Variants in ARFGEF3 observed in about 807,000 individuals in gnomAD.
ARFGEF3 encodes the protein brefeldin A-inhibited guanine nucleotide-exchange protein 3.
In ARFGEF3, 96 loss-of-function variants were observed where a neutral mutation model predicts 221.7. The observed-to-expected ratio is 0.43, with a 90% CI of 0.37 to 0.51. The LOEUF (loss-of-function observed/expected upper bound fraction) is 0.51. Ranked by LOEUF, ARFGEF3 falls within the 20% of genes least tolerant of loss-of-function variation. The pLI, the probability that ARFGEF3 is intolerant of heterozygous loss-of-function variation, is 0.00. For synonymous variants in ARFGEF3, 1,145 were observed against 1,126.8 expected, an observed-to-expected ratio of 1.02 and a Z score of -0.32; for missense variants, 2,410 against 2,789.9, an observed-to-expected ratio of 0.86 and a Z score of 3.07.
chr6:138,214,053 T>C (rs1419958450), intron 4 of ARFGEF3, among the ~76,000 whole-genome samples: 1 of 152,238 alleles, frequency 6.6e-6, no homozygotes, highest in East Asian at 1.9e-4. Flanking sequence ...CTCTTCTCTC[T>C]GAATGAGGAA....
At position 138,329,492 on chromosome 6, in the gene ARFGEF3, C is replaced by T. The variant is rs546878839; in HGVS notation, c.5123+1350C>T. On this transcript the variant is annotated intron_variant, in intron 32 of 33. Transcript: ENST00000251691. ...CAGCCTGGCCAACATGGTGAAACCC[C>T]GTCTCTGCTAAAAATACAAAAATTA... Among the ~76,000 whole-genome samples, 3 of 152,122 alleles carry T rather than the reference C, an allele frequency of 2.0e-5. No homozygotes were observed. The East Asian group carries it at 5.8e-4, about 29-fold the overall frequency.
In ARFGEF3 at chr6:138,286,823, G is replaced by A. The variant is rs1232926799; in HGVS notation, c.2692G>A (p.Glu898Lys). Residue 898 changes from glutamate (E) to lysine (K), a missense_variant, in exon 16 of 34, where the codon GAA becomes AAA. Physicochemically the swap from Glu to Lys is moderately conservative, Grantham distance 56. Coordinates refer to ENST00000251691, the MANE Select transcript of ARFGEF3 (RefSeq NM_020340.5). ...AGGGCTGGCCTTCATTCTGGGAGCT[G>A]AAGGCATCAAAGAGCAGAACCAGAA... ...SKGLAFILGA[E>K]GIKEQNQKER... 6.2e-7 allele frequency: 1 copy of A among 1,614,048 alleles called. No homozygotes were observed. The highest frequency in any genetic ancestry group is 8.5e-7 in the Non-Finnish European group (1 of 1,179,910).
At chr6:138,325,101 G>C (rs1393972186) in intron 31 of ARFGEF3, among the ~76,000 whole-genome samples, 1 of 152,198 alleles carries the variant, frequency 6.6e-6, no homozygotes, top group African/African-American at 2.4e-5. Context: ...CTATGTATGT[G>C]TATGCATGGT....
At chr6:138,224,230 G>C (rs1291560589) in intron 4 of ARFGEF3, among the ~76,000 whole-genome samples, 1 of 152,196 alleles carries the variant, frequency 6.6e-6, no homozygotes, top group East Asian at 1.9e-4. Flanking sequence ...AGATAGATAG[G>C]TTCTCAGCAG....
At chr6:138,268,137 T>A (rs754964912) in intron 12 of ARFGEF3, among the ~76,000 whole-genome samples, 7 of 152,218 alleles carry the variant, frequency 4.6e-5, no homozygotes, top group Non-Finnish European at 4.4e-5. Context: ...CTGAGGCATG[T>A]CCTCTTGCCC....
chr6:138,191,401 C>A (rs1385318265), intron 2 of ARFGEF3, among the ~76,000 whole-genome samples: 1 of 152,112 alleles, frequency 6.6e-6, no homozygotes, highest in East Asian at 1.9e-4. Flanking sequence ...AGGGTACTGG[C>A]ACGAAATGGA....
rs1318201065 is a variant in ARFGEF3, at chr6:138,286,827, G to A, written c.2696G>A (p.Gly899Asp). ...KGLAFILGAE[G>D]IKEQNQKERD... ...CTGGCCTTCATTCTGGGAGCTGAAG[G>A]CATCAAAGAGCAGAACCAGAAGGAG... Residue 899 changes from glycine to aspartate, a missense_variant, in exon 16 of 34, where the codon GGC becomes GAC. By Grantham distance (94) the Gly-to-Asp change is moderately conservative (BLOSUM62 -1). This residue lies in a region of ARFGEF3 where 594 missense variants were observed against 734.3 expected (regional missense o/e 0.81). Coordinates refer to ENST00000251691, the MANE Select transcript of ARFGEF3 (RefSeq NM_020340.5). The A allele has an allele frequency of 1.2e-6, 2 of 1,614,016 alleles. No homozygotes were observed. Among genetic ancestry groups the A allele is most frequent in the Non-Finnish European group, 1.7e-6 (2 of 1,179,904 alleles).
intron 14 of ARFGEF3, among the ~76,000 whole-genome samples, chr6:138,281,884 A>G (rs1779202272): frequency 6.6e-6 from 1 of 152,178 alleles, no homozygotes; most frequent in Admixed American, 6.5e-5. Context: ...TTAGTAAGTT[A>G]GAGCTCCAGC....
At chr6:138,218,938 T>G (rs1435183414) in intron 4 of ARFGEF3, among the ~76,000 whole-genome samples, 1 of 151,214 alleles carries the variant, frequency 6.6e-6, no homozygotes, top group African/African-American at 2.5e-5. Context: ...TTTGTTGCTT[T>G]TTTAGACCTT....
intron 2 of ARFGEF3, among the ~76,000 whole-genome samples, chr6:138,184,361 A>T (rs1422701846): frequency 1.3e-5 from 2 of 152,160 alleles, no homozygotes; most frequent in African/African-American, 4.8e-5. Context: ...AGCAGTTTGC[A>T]GAATGTACAA....
intron 2 of ARFGEF3, among the ~76,000 whole-genome samples, chr6:138,194,654 C>T (rs1430650777): frequency 6.6e-6 from 1 of 152,114 alleles, no homozygotes; most frequent in East Asian, 1.9e-4. Flanking sequence ...ACGTATTTGG[C>T]TAAGGTAACT....
At chr6:138,254,150 T>C (rs1426232606) in intron 9 of ARFGEF3, among the ~76,000 whole-genome samples, 166 bp downstream of exon 9, 1 of 152,166 alleles carries the variant, frequency 6.6e-6, no homozygotes, top group Non-Finnish European at 1.5e-5. Flanking sequence ...GGTGCAGTTG[T>C]TCACACCTGT....
chr6:138,183,553 G>A (rs959615487), intron 2 of ARFGEF3, among the ~76,000 whole-genome samples: 1 of 152,074 alleles, frequency 6.6e-6, no homozygotes, highest in Non-Finnish European at 1.5e-5. Flanking sequence ...GGGCTCATGT[G>A]GATCAGGCAG....
intron 4 of ARFGEF3, among the ~76,000 whole-genome samples, chr6:138,225,529 G>GTT (rs1778068994): frequency 2.0e-5 from 3 of 152,210 alleles, no homozygotes; most frequent in Non-Finnish European, 2.9e-5. Context: ...CAGCCTTGAA[G>GTT]AACAGTTGCA....
intron 2 of ARFGEF3, among the ~76,000 whole-genome samples, chr6:138,187,552 A>C (rs1311071661): frequency 6.6e-6 from 1 of 152,220 alleles, no homozygotes; most frequent in African/African-American, 2.4e-5. Context: ...CCCAGCCTGC[A>C]TAAGAATATT....
chr6:138,240,070 A>T (rs959493753), intron 6 of ARFGEF3, among the ~76,000 whole-genome samples: 2 of 152,120 alleles, frequency 1.3e-5, no homozygotes, highest in Non-Finnish European at 2.9e-5. Context: ...CCAAAGCCCC[A>T]GTTTCTATTA....
In ARFGEF3 at chr6:138,324,141, C is replaced by G; in HGVS notation, c.4988C>G (p.Ala1663Gly). The G allele has an allele frequency of 6.2e-7, 1 of 1,613,598 alleles. No homozygotes were observed. Among genetic ancestry groups the G allele is most frequent in the Non-Finnish European group, 8.5e-7 (1 of 1,179,700 alleles). Residue 1663 changes from alanine to glycine, a missense_variant, in exon 31 of 34, where the codon GCC becomes GGC. By Grantham distance (60) the Ala-to-Gly change is moderately conservative. Coordinates refer to ENST00000251691, the MANE Select transcript of ARFGEF3 (RefSeq NM_020340.5). ...SAEAEYWRIR[A>G]MAQQVFMLDT... ...GAGGCCGAGTACTGGCGCATCCGAG[C>G]CATGGCCCAGCAGGTAAGGGCAGGG... is the stretch of plus-strand genomic sequence containing the variant.
At chr6:138,253,339 T>C (rs560020244) in intron 8 of ARFGEF3, among the ~76,000 whole-genome samples, 2 of 152,028 alleles carry the variant, frequency 1.3e-5, no homozygotes, top group South Asian at 2.1e-4. Flanking sequence ...ACCCCAACTG[T>C]ATTATCTTGC....
At chr6:138,279,878 C>T in intron 13 of ARFGEF3, 121 bp from the exon 14 acceptor site, 1 of 936,236 alleles carries the variant, frequency 1.1e-6, no homozygotes, top group East Asian at 2.5e-5. Context: ...GCCCCCTTAC[C>T]CAATACACAA....
Sources: gnomAD v4.1 joint callset for allele counts (sites outside exome capture counted in the v4.1 genomes callset) on GRCh38, gnomAD v4.1.1 for gene constraint, gnomAD v4.1.1 regional missense constraint, MANE v1.5 for transcripts, NCBI Gene and HGNC (gene_info 2026-07-23, HGNC 2026-07-21) for gene names.